The following INPP5A variants were observed in gnomAD, a reference collection of about 807,000 sequenced individuals.
The protein encoded by INPP5A is inositol polyphosphate-5-phosphatase A.
Under a neutral mutation model 65.2 loss-of-function variants are expected in INPP5A, and 14 were observed. The ratio of observed to expected loss-of-function variants is 0.21; its 90% CI spans 0.14 to 0.34. The LOEUF (loss-of-function observed/expected upper bound fraction) is 0.34. INPP5A is among the 10% of genes least tolerant of loss of function. The pLI, the probability that INPP5A is intolerant of heterozygous loss-of-function variation, is 1.00. For missense variants in INPP5A, 431 were observed against 545.6 expected (o/e 0.79, Z 2.09); for synonymous variants, 207 against 208.3 (o/e 0.99, Z 0.05).
chr10:132,775,219 A>AGAG (rs1565014240), intron 12 of INPP5A, among the ~76,000 whole-genome samples: 209 of 7,488 alleles, frequency 0.028, 2 homozygotes, highest in Middle Eastern at 0.1. Flanking sequence ...GGGCAGGGGG[A>AGAG]GGGGCAGGGG....
intron 1 of INPP5A, among the ~76,000 whole-genome samples, chr10:132,596,957 A>G (rs868584909): frequency 3.2e-4 from 38 of 119,448 alleles, no homozygotes; most frequent in African/African-American, 8.0e-4. Flanking sequence ...GTGTGCACAC[A>G]TGTGTGCGTG....
chr10:132,549,547 AC>A lies in INPP5A; in HGVS notation c.75+11380del, dbSNP rs2071024013. On this transcript the variant is annotated intron_variant, in intron 1 of 15. Coordinates refer to ENST00000368594, the MANE Select transcript of INPP5A (RefSeq NM_005539.5). This position sits in a 1 kb window ranked among gnomAD's most constrained non-coding sequence, Gnocchi z 4.9. ...GGTGTTGGCGGGCTGCCCTCTGCCC[AC>A]CCCTCCAGGAGGGCCTGTGGGATGC... Among the ~76,000 whole-genome samples the A allele has an allele frequency of 6.6e-6, 1 of 152,126 alleles. No individual in the cohort carries two copies. Among genetic ancestry groups the A allele is most frequent in the African/African-American group, 2.4e-5 (1 of 41,416 alleles).
At chr10:132,764,834 A>G (rs1846809348) in intron 11 of INPP5A, among the ~76,000 whole-genome samples, 1 of 128,838 alleles carries the variant, frequency 7.8e-6, no homozygotes, top group South Asian at 2.7e-4. Context: ...GTGTGTGGTG[A>G]CACTCAGAAA....
chr10:132,596,058 ATTTC>A (rs1323286857), intron 1 of INPP5A, among the ~76,000 whole-genome samples: 2 of 152,180 alleles, frequency 1.3e-5, no homozygotes, highest in African/African-American at 4.8e-5. Flanking sequence ...AAATTTGAGC[ATTTC>A]TTTAAGACCT....
chr10:132,689,619 GA>G (rs1047439416), intron 4 of INPP5A, among the ~76,000 whole-genome samples: 1 of 152,108 alleles, frequency 6.6e-6, no homozygotes, highest in South Asian at 2.1e-4. Flanking sequence ...TTTAGCAAAA[GA>G]AAAAAATACA....
rs1210943736 is a variant in INPP5A at position 132,651,114 on chromosome 10, G to A, written c.306+609G>A. On this transcript the variant is annotated intron_variant, in intron 4 of 15. Transcript: ENST00000368594. The surrounding 1 kb of genome is among the most constrained non-coding windows in gnomAD (Gnocchi z 5.0). ...AGCCACAGAGATACAGGCACCAGGT[G>A]TCTGGGAAGGGGCAGGAAGCTCCTC... Among the ~76,000 whole-genome samples the A allele has an allele frequency of 6.6e-6, 1 of 152,194 alleles. No homozygotes were observed. The highest frequency in any genetic ancestry group is 1.5e-5 in the Non-Finnish European group (1 of 68,016).
rs539762021 is a variant in INPP5A, at chr10:132,740,430, T to C, written c.733-9087T>C. Among the ~76,000 whole-genome samples, 6 of 152,300 alleles carry C rather than the reference T, an allele frequency of 3.9e-5. No homozygotes were observed. The East Asian group carries it at 1.2e-3, about 29-fold the overall frequency. On this transcript the variant is annotated intron_variant, in intron 9 of 15. Transcript: ENST00000368594. ...ATTACGTTGGTGTAGTGGCGCGGCA[T>C]CCGGGAGCACAGATTTATATTCACG...
chr10:132,596,446 T>G (rs1178791004), intron 1 of INPP5A, among the ~76,000 whole-genome samples: 2 of 150,626 alleles, frequency 1.3e-5, no homozygotes, highest in African/African-American at 4.9e-5. Flanking sequence ...TTTTTTTTTT[T>G]GAGATGGAGT....
At chr10:132,749,958 A>G in intron 11 of INPP5A, 113 bp downstream of exon 11, 2 of 938,670 alleles carry the variant, frequency 2.1e-6, no homozygotes, top group East Asian at 2.4e-5. Context: ...TGCCACCTCC[A>G]GGACTCAGTT....
At chr10:132,581,696 G>T (rs183472191) in intron 1 of INPP5A, among the ~76,000 whole-genome samples, 23 of 152,286 alleles carry the variant, frequency 1.5e-4, no homozygotes, top group Admixed American at 3.9e-4. Flanking sequence ...TTTGCAAAGT[G>T]TCTGTTCATA....
At chr10:132,781,196 A>G (rs909103252) in intron 14 of INPP5A, among the ~76,000 whole-genome samples, 1 of 152,250 alleles carries the variant, frequency 6.6e-6, no homozygotes, top group Non-Finnish European at 1.5e-5. Flanking sequence ...ACATAATTTA[A>G]TATTTGTAAA....
In INPP5A at chr10:132,694,247, T is replaced by C. The variant is rs1419616826; in HGVS notation, c.371-3569T>C. Among the ~76,000 whole-genome samples the C allele has an allele frequency of 3.3e-5, 5 of 152,144 alleles. No homozygotes were observed. The East Asian group carries it at 9.6e-4, about 29-fold the overall frequency. ...AAGTAGCTGGAAAATCCCCAAATACTTGAACATTAAACAACACATATCTAA... is the reference window on the plus strand; with the variant it reads ...AAGTAGCTGGAAAATCCCCAAATACCTGAACATTAAACAACACATATCTAA... On this transcript the variant is annotated intron_variant, in intron 5 of 15. Coordinates refer to ENST00000368594, the MANE Select transcript of INPP5A (RefSeq NM_005539.5).
chr10:132,683,760 G>A (rs2073083036), intron 4 of INPP5A, among the ~76,000 whole-genome samples: 1 of 152,078 alleles, frequency 6.6e-6, no homozygotes, highest in African/African-American at 2.4e-5. Flanking sequence ...TGTCGCCCAG[G>A]CTGGAGTGCA....
chr10:132,759,060 C>T (rs1020981615), intron 11 of INPP5A, among the ~76,000 whole-genome samples: 1 of 152,234 alleles, frequency 6.6e-6, no homozygotes, highest in Admixed American at 6.5e-5. Flanking sequence ...CTTTTCTCCC[C>T]GAAGGCGGAG....
At chr10:132,710,207 C>T in intron 7 of INPP5A, 130 bp from the exon 8 acceptor site, 2 of 1,007,116 alleles carry the variant, frequency 2.0e-6, no homozygotes, top group Non-Finnish European at 2.9e-6. Context: ...GGACAGGTGC[C>T]CCGCCTCGGG....
At chr10:132,588,380 G>T (rs888262022) in intron 1 of INPP5A, among the ~76,000 whole-genome samples, 1 of 152,216 alleles carries the variant, frequency 6.6e-6, no homozygotes, top group African/African-American at 2.4e-5. Flanking sequence ...TTTCTCACGG[G>T]CCTTCCTCCT....
At chr10:132,731,722 TC>T (rs1347203188) in intron 9 of INPP5A, among the ~76,000 whole-genome samples, 2 of 106,220 alleles carry the variant, frequency 1.9e-5, no homozygotes, top group African/African-American at 5.4e-5. Flanking sequence ...GGTGAGGGTT[TC>T]CCCCAGTGAG....
At chr10:132,588,821 T>C (rs1282570857) in intron 1 of INPP5A, among the ~76,000 whole-genome samples, 1 of 152,178 alleles carries the variant, frequency 6.6e-6, no homozygotes, top group African/African-American at 2.4e-5. Flanking sequence ...TATGTCGCCA[T>C]CAGTGGTCAC....
Position 132,651,898 on chromosome 10 carries a change from C to G in INPP5A, c.306+1393C>G, listed in dbSNP as rs2072581651. On this transcript the variant is annotated intron_variant, in intron 4 of 15. Coordinates refer to ENST00000368594, the MANE Select transcript of INPP5A (RefSeq NM_005539.5). The surrounding 1 kb of genome is among the most constrained non-coding windows in gnomAD (Gnocchi z 5.0). ...GACCCTCGCCCTGTCAAGCAGCTGC[C>G]CACACACAAGCGGCCTCTCCTCACG... 6.6e-6 allele frequency among the ~76,000 whole-genome samples: 1 copy of G among 152,202 alleles called. No homozygotes were observed. Among genetic ancestry groups the G allele is most frequent in the Non-Finnish European group, 1.5e-5 (1 of 68,040 alleles).
Sources: gnomAD v4.1 joint callset for allele counts (sites outside exome capture counted in the v4.1 genomes callset) on GRCh38, gnomAD v4.1.1 for gene constraint, Gnocchi (gnomAD v3.1) non-coding constraint, MANE v1.5 for transcripts, NCBI Gene and HGNC (gene_info 2026-07-23, HGNC 2026-07-21) for gene names.